Variants in CCSER1 observed in about 807,000 individuals in gnomAD.
CCSER1 encodes the protein coiled-coil serine rich protein 1.
A neutral mutation model predicts 82.0 loss-of-function variants in CCSER1; 41 were observed. The ratio of observed to expected loss-of-function variants is 0.50; its 90% CI spans 0.39 to 0.65. CCSER1 has a LOEUF of 0.65. Ranked by LOEUF, CCSER1 falls within the 30% of genes least tolerant of loss-of-function variation. The pLI, the probability that CCSER1 is intolerant of heterozygous loss-of-function variation, is 0.00. For synonymous variants in CCSER1, 414 were observed against 383.9 expected, an observed-to-expected ratio of 1.08 and a Z score of -0.92; for missense variants, 1,119 against 1,064.2, an observed-to-expected ratio of 1.05 and a Z score of -0.72.
In CCSER1 at chr4:91,085,958, C is replaced by T; in HGVS notation, c.2181C>T (p.Asn727=). The T allele has an allele frequency of 6.6e-7, 1 of 1,523,090 alleles. No homozygotes were observed. Among genetic ancestry groups the T allele is most frequent in the South Asian group, 1.2e-5 (1 of 83,044 alleles). The allele number at this position is 1,523,090 out of a possible 1,614,324, so 94.3% of individuals were successfully genotyped here. ...QTELLCYDGL[N]LKRLETVQGG... Reference sequence around the variant, plus strand: ...TTGCTTTTCTTTTTCAGGGTTTAAACTTGAAAAGACTAGAGACAGTACAAG... The same window carrying T: ...TTGCTTTTCTTTTTCAGGGTTTAAATTTGAAAAGACTAGAGACAGTACAAG... Residue 727 remains asparagine (N), a synonymous_variant, in exon 10 of 11, where the codon AAC becomes AAT. Coordinates refer to ENST00000509176, the MANE Select transcript of CCSER1 (RefSeq NM_001145065.2).
chr4:91,276,403 C>T (rs1742447847), intron 10 of CCSER1, among the ~76,000 whole-genome samples: 1 of 148,260 alleles, frequency 6.7e-6, no homozygotes, highest in African/African-American at 2.5e-5. Flanking sequence ...ATTTTTGTAG[C>T]TATTGAAAAA....
intron 8 of CCSER1, among the ~76,000 whole-genome samples, chr4:90,836,337 T>A (rs909983924): frequency 1.3e-5 from 2 of 151,288 alleles, no homozygotes; most frequent in African/African-American, 4.9e-5. Flanking sequence ...AGCTTTTGTA[T>A]TAGAAAAACA....
intron 10 of CCSER1, among the ~76,000 whole-genome samples, chr4:91,166,641 A>C (rs1306445596): frequency 1.3e-5 from 2 of 152,200 alleles, no homozygotes; most frequent in Non-Finnish European, 2.9e-5. Flanking sequence ...AGATATTTTA[A>C]CTTTTTCCTC....
At chr4:90,948,199 TACA>T in intron 9 of CCSER1, among the ~76,000 whole-genome samples, 1 of 152,156 alleles carries the variant, frequency 6.6e-6, no homozygotes, top group East Asian at 1.9e-4. Flanking sequence ...GTTTTCATTG[TACA>T]ACAATAGTTA....
intron 1 of CCSER1, among the ~76,000 whole-genome samples, chr4:90,167,874 T>C (rs1440002512): frequency 6.6e-6 from 1 of 152,092 alleles, no homozygotes; most frequent in Non-Finnish European, 1.5e-5. Flanking sequence ...CAGTCTATCA[T>C]TGTTGGACAT....
chr4:90,649,267 G>A (rs1273278484), intron 6 of CCSER1, among the ~76,000 whole-genome samples: 2 of 152,058 alleles, frequency 1.3e-5, no homozygotes, highest in African/African-American at 4.8e-5. Flanking sequence ...AGTGGCAATG[G>A]GAAGCTAAGA....
intron 1 of CCSER1, among the ~76,000 whole-genome samples, chr4:90,277,238 A>C (rs543979725): frequency 6.6e-6 from 1 of 152,182 alleles, no homozygotes; most frequent in Non-Finnish European, 1.5e-5. Flanking sequence ...CATACTGCCC[A>C]GAGCAATTTA....
At chr4:91,456,299 A>G (rs546303874) in intron 10 of CCSER1, among the ~76,000 whole-genome samples, 29 of 152,092 alleles carry the variant, frequency 1.9e-4, no homozygotes, top group Admixed American at 7.9e-4. Flanking sequence ...CAAAGGTCTC[A>G]TTTCCAAATA....
At chr4:90,688,157 T>G (rs968634720) in intron 6 of CCSER1, among the ~76,000 whole-genome samples, 1 of 152,196 alleles carries the variant, frequency 6.6e-6, no homozygotes, top group Non-Finnish European at 1.5e-5. Flanking sequence ...GGCCACGTGT[T>G]AAGGACATCT....
chr4:90,918,634 G>GATAT (rs1363853552), intron 8 of CCSER1, among the ~76,000 whole-genome samples: 2 of 148,962 alleles, frequency 1.3e-5, no homozygotes, highest in African/African-American at 5.0e-5. Flanking sequence ...GCTCATTCAA[G>GATAT]AGAGATATAT....
At chr4:91,578,370 A>G (rs1015739952) in intron 10 of CCSER1, among the ~76,000 whole-genome samples, 10 of 151,984 alleles carry the variant, frequency 6.6e-5, no homozygotes, top group Non-Finnish European at 4.4e-5. Flanking sequence ...CCATTTTATT[A>G]TATATAAGAA....
intron 9 of CCSER1, among the ~76,000 whole-genome samples, chr4:90,964,135 T>C (rs1403418456): frequency 6.6e-6 from 1 of 152,220 alleles, no homozygotes; most frequent in East Asian, 1.9e-4. Context: ...TACTGAATTC[T>C]TCTTTTAGAA....
At chr4:90,606,537 C>G (rs1391480818) in intron 5 of CCSER1, among the ~76,000 whole-genome samples, 1 of 152,162 alleles carries the variant, frequency 6.6e-6, no homozygotes, top group African/African-American at 2.4e-5. Flanking sequence ...CAGTCCCACA[C>G]TTGACGTGAT....
At chr4:91,145,002 A>C (rs1403181514) in intron 10 of CCSER1, among the ~76,000 whole-genome samples, 1 of 152,058 alleles carries the variant, frequency 6.6e-6, no homozygotes, top group Admixed American at 6.6e-5. Flanking sequence ...ATTTAAGTTC[A>C]GTATTTCTTT....
intron 10 of CCSER1, among the ~76,000 whole-genome samples, chr4:91,562,457 G>A (rs1425556625): frequency 1.3e-5 from 2 of 151,326 alleles, no homozygotes; most frequent in Non-Finnish European, 3.0e-5. Context: ...ATGGAATAAG[G>A]GTTTATCTTC....
rs1764884050 is a variant in CCSER1, at chr4:91,603,538, G to GAGTA, written c.*4485_*4488dup. On this transcript the variant is annotated 3_prime_UTR_variant, in exon 11 of 11. Coordinates refer to ENST00000509176, the MANE Select transcript of CCSER1 (RefSeq NM_001145065.2). The stretch of plus-strand genomic sequence containing the variant: ...AATAGAGAGTAGGTTCCTTCCATTT[G>GAGTA]AGTAAGTGATCTAGAATATGGGATA... 6.6e-6 allele frequency: 1 copy of GAGTA among 152,052 alleles called. No homozygotes were observed. Among genetic ancestry groups the GAGTA allele is most frequent in the South Asian group, 2.1e-4 (1 of 4,830 alleles). The allele number at this position is 152,052 out of a possible 1,614,324, so 9.4% of individuals were successfully genotyped here.
chr4:90,244,290 G>T (rs1721032735), intron 1 of CCSER1, among the ~76,000 whole-genome samples: 1 of 152,172 alleles, frequency 6.6e-6, no homozygotes, highest in Non-Finnish European at 1.5e-5. Flanking sequence ...TTGGCAAGAT[G>T]AGTCTGTTTT....
Position 90,213,021 on chromosome 4 carries a change from G to A in CCSER1, c.-42+85190G>A, listed in dbSNP as rs544800289. Among the ~76,000 whole-genome samples, 3 of 152,236 alleles carry A rather than the reference G, an allele frequency of 2.0e-5. No homozygotes were observed. The East Asian group carries it at 5.8e-4, about 29-fold the overall frequency. On this transcript the variant is annotated intron_variant, in intron 1 of 10. Coordinates refer to ENST00000509176, the MANE Select transcript of CCSER1 (RefSeq NM_001145065.2). The stretch of plus-strand genomic sequence containing the variant: ...GTTAGATCATGAAGGCATTTGTAAG[G>A]ATTTTGGGTTTTATCTGTGTGACAT...
chr4:91,445,126 T>C (rs180811012), intron 10 of CCSER1, among the ~76,000 whole-genome samples: 1 of 152,320 alleles, frequency 6.6e-6, no homozygotes, highest in East Asian at 1.9e-4. Context: ...CTTTTCTGCC[T>C]CTGAGGTAAC....
Sources: gnomAD v4.1 joint callset for allele counts (sites outside exome capture counted in the v4.1 genomes callset) on GRCh38, gnomAD v4.1.1 for gene constraint, MANE v1.5 for transcripts, NCBI Gene and HGNC (gene_info 2026-07-23, HGNC 2026-07-21) for gene names.